Variants in LIN7A observed in about 807,000 individuals in gnomAD.
LIN7A encodes lin-7 cell polarity scaffold A.
Under a neutral mutation model 29.8 loss-of-function variants are expected in LIN7A, and 25 were observed. That is an observed-to-expected ratio of 0.84 (90% CI 0.61 to 1.17). The LOEUF (loss-of-function observed/expected upper bound fraction) is 1.17, where lower values mean the gene tolerates loss of function less well. Ranked by LOEUF, LIN7A falls within the 50% of genes most tolerant of loss-of-function variation. The pLI is 0.00. For synonymous variants in LIN7A, 118 were observed against 107.5 expected, an observed-to-expected ratio of 1.10 and a Z score of -0.60; for missense variants, 239 against 287.0, an observed-to-expected ratio of 0.83 and a Z score of 1.21.
At chr12:80,887,500 C>T (rs1875390568) in intron 2 of LIN7A, among the ~76,000 whole-genome samples, 1 of 152,154 alleles carries the variant, frequency 6.6e-6, no homozygotes, top group South Asian at 2.1e-4. Context: ...GCCTACCTTG[C>T]TTATTCTACT....
At chr12:80,845,010 A>G (rs10862201) in intron 4 of LIN7A, among the ~76,000 whole-genome samples, 59,019 of 151,824 alleles carry the variant, frequency 0.39, 11,629 homozygotes, top group Non-Finnish European at 0.42. Flanking sequence ...AGGCCGAGGC[A>G]GGCGGATCAC....
intron 1 of LIN7A, among the ~76,000 whole-genome samples, chr12:80,903,286 C>G: frequency 6.6e-6 from 1 of 151,642 alleles, no homozygotes; most frequent in East Asian, 1.9e-4. Context: ...GTGGTGATGC[C>G]TGGGGTTTTA....
At chr12:80,912,794 A>C (rs1394805774) in intron 1 of LIN7A, among the ~76,000 whole-genome samples, 3 of 152,074 alleles carry the variant, frequency 2.0e-5, no homozygotes, top group Non-Finnish European at 4.4e-5. Flanking sequence ...AAAATGGAAA[A>C]GATCTTAAAG....
At chr12:80,895,960 A>C (rs532789164) in intron 1 of LIN7A, among the ~76,000 whole-genome samples, 1 of 152,200 alleles carries the variant, frequency 6.6e-6, no homozygotes, top group East Asian at 1.9e-4. Flanking sequence ...ATGCTTCACT[A>C]TTTGGTTATC....
chr12:80,903,145 CAAAACATT>C (rs1377855902), intron 1 of LIN7A, among the ~76,000 whole-genome samples: 5 of 151,366 alleles, frequency 3.3e-5, no homozygotes, highest in African/African-American at 1.2e-4. Flanking sequence ...TAAACATTAT[CAAAACATT>C]AAAACATTAA....
rs774800467 is a variant in LIN7A at position 80,811,642 on chromosome 12, G to C, written c.525C>G (p.Leu175=). 2 of 1,613,294 alleles carry C rather than the reference G, an allele frequency of 1.2e-6. No homozygotes were observed. Among genetic ancestry groups the C allele is most frequent in the Admixed American group, 1.7e-5 (1 of 59,978 alleles). ...GCTTGACGCTGTCTTTAGCAGCCTT[G>C]AGTAGTTCCACAGCTTTCTCATGGT... is the stretch of plus-strand genomic sequence containing the variant. ...GEHHEKAVEL[L]KAAKDSVKLV... Residue 175 remains leucine (L), a synonymous_variant, in exon 5 of 6, where the codon CTC becomes CTG. Transcript: ENST00000552864.
intron 4 of LIN7A, among the ~76,000 whole-genome samples, chr12:80,840,243 A>G (rs1398633740): frequency 2.0e-5 from 3 of 152,230 alleles, no homozygotes; most frequent in East Asian, 1.9e-4. Context: ...CAATATTAAC[A>G]TCTTACAAAA....
Position 80,926,503 on chromosome 12 carries a change from A to G in LIN7A, c.82+11138T>C, listed in dbSNP as rs145828023. Among the ~76,000 whole-genome samples the G allele has an allele frequency of 3.1e-3, 470 of 152,334 alleles. 3 individuals are homozygous for G. The highest frequency in any genetic ancestry group is 0.011 in the African/African-American group (454 of 41,580). ...TTACCTTAGCAAATTCACTAATATTATCTAACAGCTTTGTAGTTGACAATC... is the reference window on the plus strand; with the variant it reads ...TTACCTTAGCAAATTCACTAATATTGTCTAACAGCTTTGTAGTTGACAATC... On this transcript the variant is annotated intron_variant, in intron 1 of 5. Transcript: ENST00000552864.
chr12:80,815,532 C>T (rs1871490136), intron 4 of LIN7A, among the ~76,000 whole-genome samples: 1 of 152,248 alleles, frequency 6.6e-6, no homozygotes, highest in Admixed American at 6.5e-5. Context: ...TATTTATAAA[C>T]AGTTAAGCTA....
At chr12:80,880,260 A>AT (rs539444270) in intron 2 of LIN7A, among the ~76,000 whole-genome samples, 14 of 150,996 alleles carry the variant, frequency 9.3e-5, no homozygotes, top group South Asian at 2.1e-4. Flanking sequence ...GACTAGCCTC[A>AT]TTTTTTTTTG....
At chr12:80,870,620 C>T (rs1874380069) in intron 2 of LIN7A, among the ~76,000 whole-genome samples, 1 of 152,256 alleles carries the variant, frequency 6.6e-6, no homozygotes, top group East Asian at 1.9e-4. Flanking sequence ...ATCACAAATA[C>T]CTTCTATATG....
intron 3 of LIN7A, among the ~76,000 whole-genome samples, chr12:80,847,227 A>G (rs1873119039): frequency 1.3e-5 from 2 of 152,232 alleles, no homozygotes; most frequent in Admixed American, 1.3e-4. Context: ...TGAATAAGAA[A>G]TGAGAATGGT....
chr12:80,854,354 C>A (rs995707269), intron 2 of LIN7A, among the ~76,000 whole-genome samples: 1 of 151,892 alleles, frequency 6.6e-6, no homozygotes, highest in African/African-American at 2.4e-5. Context: ...GCAGGAGGAT[C>A]ACTTGAGCGC....
Position 80,798,291 on chromosome 12 carries a change from A to G in LIN7A, c.*1-565T>C, listed in dbSNP as rs938193683. On this transcript the variant is annotated intron_variant, in intron 5 of 5. Coordinates refer to ENST00000552864, the MANE Select transcript of LIN7A (RefSeq NM_004664.4). ...CCCCCATACCTGCCACTCTTCCACT[A>G]TTAGAGGGTCATTTCTTTCAGAGAG... Among the ~76,000 whole-genome samples, 6 of 152,312 alleles carry G rather than the reference A, an allele frequency of 3.9e-5. No individual in the cohort carries two copies. In the East Asian group the frequency reaches 7.7e-4, roughly 20 times the overall value.
intron 2 of LIN7A, among the ~76,000 whole-genome samples, chr12:80,875,164 A>C (rs1874622220): frequency 6.6e-6 from 1 of 152,216 alleles, no homozygotes; most frequent in South Asian, 2.1e-4. Context: ...TTGAAAGACC[A>C]CTTAAACTTT....
chr12:80,838,034 A>T (rs7309560), intron 4 of LIN7A, among the ~76,000 whole-genome samples: 59,997 of 152,054 alleles, frequency 0.39, 11,986 homozygotes, highest in Non-Finnish European at 0.42. Flanking sequence ...AACACAAACA[A>T]TAAATGGTAA....
intron 2 of LIN7A, among the ~76,000 whole-genome samples, chr12:80,879,040 G>A (rs1303866918): frequency 1.3e-5 from 2 of 152,140 alleles, no homozygotes; most frequent in African/African-American, 4.8e-5. Flanking sequence ...CATAGTACTT[G>A]TCTTTCTTAC....
intron 4 of LIN7A, among the ~76,000 whole-genome samples, chr12:80,838,474 C>A (rs1400426700): frequency 6.6e-6 from 1 of 152,092 alleles, no homozygotes; most frequent in South Asian, 2.1e-4. Context: ...CAAAATATAC[C>A]AGATCATGCT....
At chr12:80,819,049 G>C (rs1368957450) in intron 4 of LIN7A, among the ~76,000 whole-genome samples, 1 of 152,008 alleles carries the variant, frequency 6.6e-6, no homozygotes, top group Non-Finnish European at 1.5e-5. Context: ...AGTTACCCAG[G>C]GTCAATCAAG....
Sources: gnomAD v4.1 joint callset for allele counts (sites outside exome capture counted in the v4.1 genomes callset) on GRCh38, gnomAD v4.1.1 for gene constraint, MANE v1.5 for transcripts, NCBI Gene and HGNC (gene_info 2026-07-23, HGNC 2026-07-21) for gene names.